Variants in MBD5 observed in about 807,000 individuals in gnomAD.
MBD5 encodes the protein methyl-CpG-binding domain protein 5.
Under a neutral mutation model 117.3 loss-of-function variants are expected in MBD5, and 13 were observed. The ratio of observed to expected loss-of-function variants is 0.11; its 90% confidence interval spans 0.07 to 0.18. The LOEUF is 0.18. MBD5 is among the 10% of genes least tolerant of loss of function. The pLI is 1.00. For synonymous variants in MBD5, 727 were observed against 766.4 expected, an observed-to-expected ratio of 0.95 and a Z score of 0.85; for missense variants, 1,879 against 2,093.8, an observed-to-expected ratio of 0.90 and a Z score of 2.00.
At chr2:148,138,048 G>A (rs886221220) in intron 1 of MBD5, among the ~76,000 whole-genome samples, 2 of 152,108 alleles carry the variant, frequency 1.3e-5, no homozygotes, top group Non-Finnish European at 2.9e-5. Flanking sequence ...GTCAGATTAC[G>A]AATTGCAAAT....
chr2:148,462,573 T>C lies in MBD5; in HGVS notation c.114-9T>C. 6.4e-7 allele frequency: 1 copy of C among 1,556,104 alleles called. No homozygotes were observed. Among genetic ancestry groups the C allele is most frequent in the Non-Finnish European group, 8.9e-7 (1 of 1,128,166 alleles). ...TATTTCCTGATGTTTTTTTAAACTA[T>C]TTTTACAGTCCCAGTGGGTCTTTGT... On this transcript the variant is annotated splice_polypyrimidine_tract_variant and intron_variant, in intron 5 of 13. Coordinates refer to ENST00000642680, the MANE Select transcript of MBD5 (RefSeq NM_001378120.1).
chr2:148,044,381 A>G (rs560740010), intron 1 of MBD5: 1 of 152,316 alleles, frequency 6.6e-6, no homozygotes, highest in East Asian at 1.9e-4. Context: ...AAACATTTTT[A>G]TACCATGACA....
intron 3 of MBD5, among the ~76,000 whole-genome samples, chr2:148,336,080 A>G (rs1414538237): frequency 6.6e-6 from 1 of 152,220 alleles, no homozygotes; most frequent in African/African-American, 2.4e-5. Flanking sequence ...AAGAAAGGTC[A>G]CTATCAGAAA....
chr2:148,176,159 ATACTT>A (rs990902956), intron 1 of MBD5, among the ~76,000 whole-genome samples: 3 of 152,164 alleles, frequency 2.0e-5, no homozygotes, highest in African/African-American at 7.2e-5. Context: ...TGTAAAAAGA[ATACTT>A]TATTAAGAGT....
chr2:148,242,113 G>T (rs554790095), intron 3 of MBD5, among the ~76,000 whole-genome samples: 101 of 152,188 alleles, frequency 6.6e-4, no homozygotes, highest in Admixed American at 1.3e-3. Flanking sequence ...AAGTGGAAAT[G>T]ATCATATGTA....
chr2:148,105,362 G>T (rs1696343601), intron 1 of MBD5, among the ~76,000 whole-genome samples: 2 of 151,952 alleles, frequency 1.3e-5, no homozygotes, highest in South Asian at 4.1e-4. Flanking sequence ...GGGACTACAG[G>T]CATGTGCCAT....
intron 1 of MBD5, among the ~76,000 whole-genome samples, chr2:148,142,546 C>G (rs1697343990): frequency 6.6e-6 from 1 of 152,112 alleles, no homozygotes; most frequent in South Asian, 2.1e-4. Flanking sequence ...AAAATACTTT[C>G]CTTGGACTGT....
At chr2:148,320,457 G>T (rs1436298781) in intron 3 of MBD5, among the ~76,000 whole-genome samples, 1 of 152,094 alleles carries the variant, frequency 6.6e-6, no homozygotes, top group Non-Finnish European at 1.5e-5. Context: ...AGGCTCAGGT[G>T]ATCCTCCCAT....
chr2:148,445,929 TG>T (rs1706494515), intron 4 of MBD5, among the ~76,000 whole-genome samples: 1 of 151,434 alleles, frequency 6.6e-6, no homozygotes, highest in African/African-American at 2.5e-5. Context: ...TGCATAAATG[TG>T]TTCTTTTGAG....
At chr2:148,391,910 C>A (rs1704581499) in intron 4 of MBD5, among the ~76,000 whole-genome samples, 1 of 152,100 alleles carries the variant, frequency 6.6e-6, no homozygotes, top group Non-Finnish European at 1.5e-5. Flanking sequence ...TTTCCCTTGA[C>A]CCTTATATGT....
chr2:148,123,530 G>A (rs531688344), intron 1 of MBD5, among the ~76,000 whole-genome samples: 22 of 152,306 alleles, frequency 1.4e-4, no homozygotes, highest in African/African-American at 5.0e-4. Context: ...TAACCAAGAT[G>A]TAGAACAAGG....
intron 1 of MBD5, among the ~76,000 whole-genome samples, chr2:148,147,373 C>G (rs1697494112): frequency 6.6e-6 from 1 of 151,598 alleles, no homozygotes; most frequent in African/African-American, 2.4e-5. Flanking sequence ...CCCCGAGAAG[C>G]TGGGACTACA....
In MBD5 at chr2:148,498,445, C is replaced by T. The variant is rs140337770; in HGVS notation, c.4963-3991C>T. 4.4e-3 allele frequency among the ~76,000 whole-genome samples: 672 copies of T among 152,316 alleles called. 9 individuals carry two copies. The highest frequency in any genetic ancestry group is 0.016 in the African/African-American group (648 of 41,562). On this transcript the variant is annotated intron_variant, in intron 11 of 13. Transcript: ENST00000642680. Reference sequence around the variant, plus strand: ...TCCAGCCTCCCATGTTCAAACAATTCTCCTGCCTCAGCCTCCTGAGTAGCT... The same window carrying T: ...TCCAGCCTCCCATGTTCAAACAATTTTCCTGCCTCAGCCTCCTGAGTAGCT...
chr2:148,173,080 C>T (rs1340952870), intron 1 of MBD5, among the ~76,000 whole-genome samples: 4 of 152,188 alleles, frequency 2.6e-5, no homozygotes, highest in Non-Finnish European at 5.9e-5. Context: ...TGGGACCCGC[C>T]GAATGGCACC....
chr2:148,071,312 GTGTGTGTGTGTA>G, intron 1 of MBD5: 1 of 130,262 alleles, frequency 7.7e-6, no homozygotes, highest in Non-Finnish European at 1.7e-5. Flanking sequence ...GTGTGTGTGT[GTGTGTGTGTGTA>G]TGTGTAGATA....
At position 148,079,836 on chromosome 2, in the gene MBD5, G is replaced by A. The variant is rs566531341; in HGVS notation, c.-925+58152G>A. Among the ~76,000 whole-genome samples the A allele has an allele frequency of 3.3e-5, 5 of 150,452 alleles. No homozygotes were observed. The East Asian group carries it at 7.9e-4, about 24-fold the overall frequency. On this transcript the variant is annotated intron_variant, in intron 1 of 13. Coordinates refer to ENST00000642680, the MANE Select transcript of MBD5 (RefSeq NM_001378120.1). The stretch of plus-strand genomic sequence containing the variant: ...CGCACCATTGCACTCCAGCCTAGGC[G>A]ACAGAGGGAGACTCTGTCTAAAACA...
intron 4 of MBD5, among the ~76,000 whole-genome samples, chr2:148,358,618 CA>C (rs35838466): frequency 0.29 from 24,279 of 82,532 alleles, 2,877 homozygotes; most frequent in African/African-American, 0.48. Flanking sequence ...ACTAAAAATA[CA>C]AAAAAAAAAA....
At chr2:148,080,481 A>G (rs1033821792) in intron 1 of MBD5, among the ~76,000 whole-genome samples, 1 of 152,192 alleles carries the variant, frequency 6.6e-6, no homozygotes, top group African/African-American at 2.4e-5. Flanking sequence ...TTTGCTCTAT[A>G]TATAATAATG....
chr2:148,038,662 A>G (rs1305764403), intron 1 of MBD5, among the ~76,000 whole-genome samples: 1 of 151,858 alleles, frequency 6.6e-6, no homozygotes, highest in Non-Finnish European at 1.5e-5. Context: ...ATCTGATAAT[A>G]AAAGAGTTTA....
Sources: allele counts gnomAD v4.1 joint callset (sites outside exome capture counted in the v4.1 genomes callset), GRCh38; gene constraint gnomAD v4.1.1; transcripts MANE v1.5; gene names NCBI Gene and HGNC (gene_info 2026-07-23, HGNC 2026-07-21).